Variants in TUBGCP6 observed in about 807,000 individuals in gnomAD.
The protein encoded by TUBGCP6 is tubulin gamma complex component 6.
A neutral mutation model predicts 175.8 loss-of-function variants in TUBGCP6; 161 were observed. That is an observed-to-expected ratio of 0.92 (90% CI 0.81 to 1.04). TUBGCP6 has a LOEUF of 1.04. Among genes scored for constraint, TUBGCP6 ranks in the 50% least tolerant of loss-of-function variants. The probability of loss-of-function intolerance (pLI) is 0.00; values close to 1 mark genes in which losing one functional copy is unlikely to be tolerated. For missense variants in TUBGCP6, 2,572 were observed against 2,433.0 expected (o/e 1.06, Z -1.20); for synonymous variants, 1,173 against 1,030.5 (o/e 1.14, Z -2.65).
intron 18 of TUBGCP6, 35 bp downstream of exon 18, chr22:50,219,609 C>T: frequency 6.2e-7 from 1 of 1,607,660 alleles, no homozygotes; most frequent in South Asian, 1.1e-5. Context: ...CCAGCCAGCC[C>T]AGGGCTCCCT....
chr22:50,223,946 C>T lies in TUBGCP6; in HGVS notation c.2270+195G>A, dbSNP rs552804956. The T allele has an allele frequency of 5.7e-4, 341 of 595,638 alleles. 6 individuals carry two copies. In the South Asian group the frequency reaches 6.2e-3, roughly 11 times the overall value. The allele number at this position is 595,638 out of a possible 1,614,324, so 36.9% of individuals were successfully genotyped here. On this transcript the variant is annotated intron_variant, in intron 13 of 24. Coordinates refer to ENST00000248846, the MANE Select transcript of TUBGCP6 (RefSeq NM_020461.4). ...ATCCATACAAACCACCACAAGACAA[C>T]GCGCAGAACAGCTAAGGATGCCTGG...
At chr22:50,219,606 G>C in intron 18 of TUBGCP6, 38 bp downstream of exon 18, 5 of 1,607,130 alleles carry the variant, frequency 3.1e-6, no homozygotes, top group Non-Finnish European at 4.3e-6. Flanking sequence ...GAACCAGCCA[G>C]CCCAGGGCTC....
intron 2 of TUBGCP6, among the ~76,000 whole-genome samples, chr22:50,236,640 G>A (rs1347767847): frequency 3.9e-5 from 6 of 152,212 alleles, no homozygotes; most frequent in Non-Finnish European, 8.8e-5. Flanking sequence ...CCTCTGCTAT[G>A]AAGAGGGTGG....
chr22:50,225,104 T>G, intron 10 of TUBGCP6, among the ~76,000 whole-genome samples: 1 of 122,768 alleles, frequency 8.1e-6, no homozygotes, highest in African/African-American at 3.1e-5. Flanking sequence ...GCAAGGCTGG[T>G]TCCAGGCCAT....
In TUBGCP6 at chr22:50,244,186, G is replaced by C; in HGVS notation, c.274C>G (p.Leu92Val). The change falls in exon 1 of 25, where the codon CTT becomes GTT. Residue 92 changes from leucine (L) to valine (V), a missense_variant. Physicochemically the swap from Leu to Val is conservative, Grantham distance 32 (BLOSUM62 1). Coordinates refer to ENST00000248846, the MANE Select transcript of TUBGCP6 (RefSeq NM_020461.4). The stretch of plus-strand genomic sequence containing the variant: ...GGGGCTGCTTCCAGCTCCTCCACAA[G>C]CTCCTCCAAACGGTCGGCCTTGGGG... ...LGPKADRLEE[L>V]VEELEAAPCC... is the part of the protein sequence containing the mutation. The C allele has an allele frequency of 6.2e-7, 1 of 1,613,292 alleles. No individual in the cohort carries two copies. Among genetic ancestry groups the C allele is most frequent in the East Asian group, 2.2e-5 (1 of 44,890 alleles).
chr22:50,225,902 C>T lies in TUBGCP6; in HGVS notation c.1875G>A (p.Ser625=), dbSNP rs752656895. ...TCAACTCCTCAAGGGAGAAAATCAC[C>T]GAGATCCGGGGGACAGGGACGTCGG... ...CWSDVPVPRI[S]VIFSLEELKE... The change falls in exon 10 of 25, where the codon TCG becomes TCA. Residue 625 remains serine (S), a synonymous_variant. Coordinates refer to ENST00000248846, the MANE Select transcript of TUBGCP6 (RefSeq NM_020461.4). 14 of 1,613,806 alleles carry T rather than the reference C, an allele frequency of 8.7e-6. No individual in the cohort carries two copies. Among genetic ancestry groups the T allele is most frequent in the Middle Eastern group, 1.6e-4 (1 of 6,084 alleles).
At chr22:50,224,490 G>A (rs1601590028) in intron 11 of TUBGCP6, 21 bp downstream of exon 11, 2 of 1,614,192 alleles carry the variant, frequency 1.2e-6, no homozygotes, top group Non-Finnish European at 1.7e-6. Context: ...ACTGCAGAAG[G>A]GAGGACTTGG....
intron 3 of TUBGCP6, among the ~76,000 whole-genome samples, chr22:50,231,426 C>T (rs1290120408): frequency 6.6e-6 from 1 of 151,666 alleles, no homozygotes; most frequent in African/African-American, 2.4e-5. Context: ...TGCACTCCAG[C>T]CTGGGCGACA....
At chr22:50,231,855 G>A (rs1431557961) in intron 3 of TUBGCP6, among the ~76,000 whole-genome samples, 8 of 90,018 alleles carry the variant, frequency 8.9e-5, no homozygotes, top group East Asian at 7.1e-4. Context: ...GCGAGACTCC[G>A]TCTCAAAAAA....
chr22:50,220,085 C>G lies in TUBGCP6; in HGVS notation c.4109-70G>C. 1.9e-6 allele frequency: 3 copies of G among 1,566,218 alleles called. No individual in the cohort carries two copies. The Admixed American group carries it at 5.4e-5, about 28-fold the overall frequency. On this transcript the variant is annotated intron_variant, in intron 16 of 24. Transcript: ENST00000248846. ...TGTGGCGGGTACAGAGCCGAGCCGGCCCTGGCTCAAGCAGCCCCTCCCATG... is the reference window on the plus strand; with the variant it reads ...TGTGGCGGGTACAGAGCCGAGCCGGGCCTGGCTCAAGCAGCCCCTCCCATG...
chr22:50,236,204 T>C (rs1379029621), intron 2 of TUBGCP6, among the ~76,000 whole-genome samples: 26 of 151,970 alleles, frequency 1.7e-4, no homozygotes, highest in Non-Finnish European at 3.1e-4. Flanking sequence ...GGCACGATCT[T>C]GGCCCATTGC....
rs760872066 is a variant in TUBGCP6, at chr22:50,219,224, C to G, written c.4485-15G>C. 29 of 1,610,736 alleles carry G rather than the reference C, an allele frequency of 1.8e-5. No homozygotes were observed. Among genetic ancestry groups the G allele is most frequent in the Non-Finnish European group, 2.5e-5 (29 of 1,179,910 alleles). ...CCAAGGAGATGCTGGCAGGAGGGAG[C>G]TGGAGTCAGGGCGGGCCAGGACGGG... On this transcript the variant is annotated splice_polypyrimidine_tract_variant and intron_variant, in intron 19 of 24. Transcript: ENST00000248846.
intron 10 of TUBGCP6, among the ~76,000 whole-genome samples, chr22:50,225,241 C>T (rs1420842456): frequency 6.6e-6 from 1 of 152,132 alleles, no homozygotes. Flanking sequence ...CTTAGGCCTG[C>T]CCCTGCCCAA....
At chr22:50,218,657 C>T (rs1234915629) in intron 21 of TUBGCP6, 37 bp from the exon 22 acceptor site, 2 of 1,613,560 alleles carry the variant, frequency 1.2e-6, no homozygotes, top group Admixed American at 1.7e-5. Context: ...ATCCCACAGG[C>T]AGGCAGGCCC....
intron 8 of TUBGCP6, 39 bp downstream of exon 8, chr22:50,226,248 C>T (rs867787793): frequency 6.2e-7 from 1 of 1,614,006 alleles, no homozygotes; most frequent in East Asian, 2.2e-5. Context: ...CCCAGGCCCA[C>T]AGGCACGGAC....
In TUBGCP6 at chr22:50,218,757, C is replaced by A. The variant is rs752154749; in HGVS notation, c.4767G>T (p.Glu1589Asp). The A allele has an allele frequency of 3.7e-6, 6 of 1,614,066 alleles. No homozygotes were observed. In the South Asian group the frequency reaches 6.6e-5, roughly 18 times the overall value. ...CATCCGGGGCGTTGGGGGCAAACAC[C>A]TCGGGCAGGTACTTGAGAGCGAGGG... ...NLSLALKYLPEVFAPNAPDVL... is the reference protein window; with the variant it reads ...NLSLALKYLPDVFAPNAPDVL... Residue 1589 changes from glutamate (E) to aspartate (D), a missense_variant, in exon 21 of 25, where the codon GAG becomes GAT. Coordinates refer to ENST00000248846, the MANE Select transcript of TUBGCP6 (RefSeq NM_020461.4).
rs2064892945 is a variant in TUBGCP6, at chr22:50,244,456, C to T, written c.4G>A (p.Ala2Thr). 6.2e-7 allele frequency: 1 copy of T among 1,608,102 alleles called. No individual in the cohort carries two copies. Among genetic ancestry groups the T allele is most frequent in the Non-Finnish European group, 8.5e-7 (1 of 1,177,294 alleles). Residue 2 changes from alanine to threonine, a missense_variant, in exon 1 of 25, where the codon GCC (alanine) becomes ACC (threonine). Coordinates refer to ENST00000248846, the MANE Select transcript of TUBGCP6 (RefSeq NM_020461.4). M[A>T]SITQLFDDLC... The stretch of plus-strand genomic sequence containing the variant: ...TCGTCGAACAGCTGCGTGATGCTGG[C>T]CATGCCCCTTCTCAGCTCCGGGCCC...
intron 3 of TUBGCP6, 62 bp from the exon 4 acceptor site, chr22:50,229,639 C>T (rs2064664455): frequency 6.6e-6 from 10 of 1,508,478 alleles, no homozygotes; most frequent in Admixed American, 2.0e-5. Context: ...AGTAAGGTGC[C>T]GTCTCCCTCC....
At chr22:50,235,130 G>A (rs930318420) in intron 2 of TUBGCP6, among the ~76,000 whole-genome samples, 3 of 134,770 alleles carry the variant, frequency 2.2e-5, no homozygotes, top group Non-Finnish European at 3.1e-5. Context: ...ATCCACACCC[G>A]TGTCCATGGC....
Sources: allele counts gnomAD v4.1 joint callset (sites outside exome capture counted in the v4.1 genomes callset), GRCh38; gene constraint gnomAD v4.1.1; transcripts MANE v1.5; gene names NCBI Gene and HGNC (gene_info 2026-07-23, HGNC 2026-07-21).